The following FMNL3 variants were observed in gnomAD, a reference collection of about 807,000 sequenced individuals.
The protein encoded by FMNL3 is formin-like protein 3.
A neutral mutation model predicts 119.6 loss-of-function variants in FMNL3; 57 were observed. The observed-to-expected ratio is 0.48, with a 90% CI of 0.39 to 0.59. FMNL3 has a LOEUF of 0.59. Among genes scored for constraint, FMNL3 ranks in the 20% least tolerant of loss-of-function variants. FMNL3 has a pLI of 0.00. For synonymous variants in FMNL3, 491 were observed against 507.3 expected (o/e 0.97, Z 0.43); for missense variants, 1,053 against 1,323.5 (o/e 0.80, Z 3.17).
At position 49,649,069 on chromosome 12, in the gene FMNL3, G is replaced by A. The variant is rs374384301; in HGVS notation, c.2475C>T (p.Asn825=). 54 of 1,612,250 alleles carry A rather than the reference G, an allele frequency of 3.3e-5. No homozygotes were observed. The highest frequency in any genetic ancestry group is 4.4e-5 in the Non-Finnish European group (52 of 1,179,040). ...CAACAAAGTGCAGCTCATGCCAGAAGTTAGCCAGGTCTGGGTATTTCTCCT... is the reference window on the plus strand; with the variant it reads ...CAACAAAGTGCAGCTCATGCCAGAAATTAGCCAGGTCTGGGTATTTCTCCT... ...TVKEKYPDLA[N]FWHELHFVEK... is the part of the protein sequence containing the mutation. The change falls in exon 21 of 26, where the codon AAC becomes AAT. Residue 825 remains asparagine (N), a synonymous_variant. Transcript: ENST00000335154. The surrounding 1 kb of genome is among the most constrained non-coding windows in gnomAD (Gnocchi z 5.6).
intron 1 of FMNL3, among the ~76,000 whole-genome samples, chr12:49,681,287 G>C (rs988389078): frequency 1.9e-4 from 29 of 152,100 alleles, no homozygotes; most frequent in African/African-American, 7.0e-4. Flanking sequence ...TGCAAGCTCC[G>C]CCTCCCGGGT....
intron 1 of FMNL3, among the ~76,000 whole-genome samples, chr12:49,673,339 T>C (rs1199555269): frequency 6.6e-6 from 1 of 152,114 alleles, no homozygotes; most frequent in Admixed American, 6.5e-5. Flanking sequence ...GACACAAAAT[T>C]TGGGAGTCCA....
At chr12:49,661,537 T>C (rs976760881) in intron 5 of FMNL3, among the ~76,000 whole-genome samples, 13 of 152,222 alleles carry the variant, frequency 8.5e-5, no homozygotes, top group Non-Finnish European at 1.8e-4. Context: ...TCCTGGGTTC[T>C]TCAACAATGA....
intron 1 of FMNL3, chr12:49,688,468 T>C (rs1294944075): frequency 4.4e-6 from 2 of 455,988 alleles, no homozygotes; most frequent in Non-Finnish European, 8.8e-6. Context: ...TCTCGGACTC[T>C]CCTCAGCATC....
rs1210607161 is a variant in FMNL3 at position 49,643,131 on chromosome 12, C to A, written c.*2684G>T. 2 of 1,585,478 alleles carry A rather than the reference C, an allele frequency of 1.3e-6. No individual in the cohort carries two copies. The highest frequency in any genetic ancestry group is 1.7e-6 in the Non-Finnish European group (2 of 1,157,920). On this transcript the variant is annotated 3_prime_UTR_variant, in exon 26 of 26. Coordinates refer to ENST00000335154, the MANE Select transcript of FMNL3 (RefSeq NM_175736.5). ...GAGGGAAGTTTGAGGATTCCTTTGG[C>A]CCTGGGTCCTCCTCCTCTCTCGAAT...
chr12:49,657,898 C>T (rs1209195590), intron 6 of FMNL3, among the ~76,000 whole-genome samples: 1 of 152,156 alleles, frequency 6.6e-6, no homozygotes, highest in African/African-American at 2.4e-5. Context: ...AGTCCATCCG[C>T]CTACCTCCAG....
chr12:49,668,513 CCGCAGGAGCCGGGCCTTGTCTGG>C lies in FMNL3; in HGVS notation c.145_167del (p.Pro49AlafsTer3), dbSNP rs2138865334. The C allele has an allele frequency of 6.2e-7, 1 of 1,614,178 alleles. No homozygotes were observed. The highest frequency in any genetic ancestry group is 1.1e-5 in the South Asian group (1 of 91,086). On this transcript the variant is annotated frameshift_variant, in exon 2 of 26. Transcript: ENST00000335154. LOFTEE classifies it high-confidence loss of function. ...CCCATTTCTTCTCATTGTCATACTG[CCGCAGGAGCCGGGCCTTGTCTGG>C]AGGCAGGTTCATGGAGCTCTGAGGA...
At chr12:49,668,216 C>T (rs1371849074) in intron 2 of FMNL3, among the ~76,000 whole-genome samples, 2 of 152,260 alleles carry the variant, frequency 1.3e-5, no homozygotes, top group Non-Finnish European at 2.9e-5. Flanking sequence ...CCCTGATCTA[C>T]ACAAATCCCC....
chr12:49,648,960 C>T, intron 21 of FMNL3, 69 bp downstream of exon 21: 1 of 1,523,116 alleles, frequency 6.6e-7, no homozygotes, highest in Non-Finnish European at 8.8e-7. Flanking sequence ...TGTTCTCTCT[C>T]CTCATAGCTT....
Position 49,643,816 on chromosome 12 carries a change from A to G in FMNL3, c.*1999T>C. 1 of 1,613,916 alleles carries G rather than the reference A, an allele frequency of 6.2e-7. No homozygotes were observed. Among genetic ancestry groups the G allele is most frequent in the Non-Finnish European group, 8.5e-7 (1 of 1,179,930 alleles). Reference sequence around the variant, plus strand: ...GTGAGTTCTGTTCTACCTGCCTCCCAGGCTATCCACAGGAACTGAGGAGGT... The same window carrying G: ...GTGAGTTCTGTTCTACCTGCCTCCCGGGCTATCCACAGGAACTGAGGAGGT... On this transcript the variant is annotated 3_prime_UTR_variant, in exon 26 of 26. Coordinates refer to ENST00000335154, the MANE Select transcript of FMNL3 (RefSeq NM_175736.5).
At position 49,642,534 on chromosome 12, in the gene FMNL3, G is replaced by T; in HGVS notation, c.*3281C>A. The T allele has an allele frequency of 6.2e-7, 1 of 1,608,008 alleles. No individual in the cohort carries two copies. The highest frequency in any genetic ancestry group is 2.2e-5 in the East Asian group (1 of 44,814). On this transcript the variant is annotated 3_prime_UTR_variant, in exon 26 of 26. Transcript: ENST00000335154. This position sits in a 1 kb window ranked among gnomAD's most constrained non-coding sequence, Gnocchi z 5.8. ...TGTGCTCATGGCGGTGTCCAGGCCA[G>T]GCTGAGTGGGGCCTAGTCTGATCAG...
chr12:49,637,425 G>A lies in FMNL3; in HGVS notation c.*8390C>T, dbSNP rs571443024. The A allele has an allele frequency of 5.8e-6, 8 of 1,376,730 alleles. 1 individual carries two copies. In the South Asian group the frequency reaches 5.8e-5, roughly 10 times the overall value. The allele number at this position is 1,376,730 out of a possible 1,614,324, so 85.3% of individuals were successfully genotyped here. A position where few individuals can be genotyped will look rare whatever the true frequency, so the allele number is the denominator to read the frequency against. On this transcript the variant is annotated 3_prime_UTR_variant, in exon 26 of 26. Coordinates refer to ENST00000335154, the MANE Select transcript of FMNL3 (RefSeq NM_175736.5). ...CTCTTCCCCCTCAGTCTGTGGCTCTGCCTCCCTGTCTCACTCTCCCTATAA... is the reference window on the plus strand; with the variant it reads ...CTCTTCCCCCTCAGTCTGTGGCTCTACCTCCCTGTCTCACTCTCCCTATAA...
At chr12:49,651,847 T>C in intron 14 of FMNL3, 86 bp downstream of exon 14, 1 of 1,453,024 alleles carries the variant, frequency 6.9e-7, no homozygotes, top group Non-Finnish European at 9.1e-7. Flanking sequence ...TTTCCCAGCT[T>C]CTCCCTGAGG....
At chr12:49,682,500 T>C (rs1228967772) in intron 1 of FMNL3, among the ~76,000 whole-genome samples, 7 of 152,100 alleles carry the variant, frequency 4.6e-5, no homozygotes, top group Non-Finnish European at 8.8e-5. Context: ...TGTGCCATCA[T>C]GGCTGCCTAT....
At chr12:49,681,026 A>G (rs1944320469) in intron 1 of FMNL3, among the ~76,000 whole-genome samples, 1 of 152,216 alleles carries the variant, frequency 6.6e-6, no homozygotes, top group Non-Finnish European at 1.5e-5. Context: ...TCATTACACA[A>G]TGCTTCCCTA....
intron 1 of FMNL3, among the ~76,000 whole-genome samples, chr12:49,679,741 G>A (rs1944289006): frequency 1.3e-5 from 2 of 151,910 alleles, no homozygotes; most frequent in African/African-American, 4.8e-5. Context: ...GGCTGGTCTC[G>A]AGCTCCCAGG....
In FMNL3 at chr12:49,662,076, G is replaced by A. The variant is rs200379592; in HGVS notation, c.369-27C>T. 199 of 1,611,878 alleles carry A rather than the reference G, an allele frequency of 1.2e-4. No individual in the cohort carries two copies. The African/African-American group carries it at 2.2e-3, about 18-fold the overall frequency. ...TGCAGATAAAGGAAACACAGTGGAA[G>A]GGGTCTGCTAAAAGTGGGTCAAGGA... On this transcript the variant is annotated intron_variant, in intron 4 of 25. Transcript: ENST00000335154.
intron 25 of FMNL3, 121 bp downstream of exon 25, chr12:49,646,765 G>A (rs1489889041): frequency 6.2e-7 from 1 of 1,602,016 alleles, no homozygotes; most frequent in African/African-American, 1.3e-5. Flanking sequence ...TGTGGCCCAG[G>A]AGAGAGACAC....
intron 1 of FMNL3, among the ~76,000 whole-genome samples, chr12:49,702,688 A>C (rs1195085563): frequency 6.6e-6 from 1 of 152,076 alleles, no homozygotes; most frequent in African/African-American, 2.4e-5. Flanking sequence ...TCAGAAGGTC[A>C]AGGGAATAAG....
Sources: gnomAD v4.1 joint callset for allele counts (sites outside exome capture counted in the v4.1 genomes callset) on GRCh38, gnomAD v4.1.1 for gene constraint, Gnocchi (gnomAD v3.1) non-coding constraint, MANE v1.5 for transcripts, NCBI Gene and HGNC (gene_info 2026-07-23, HGNC 2026-07-21) for gene names.